The following PIK3CB variants were observed in gnomAD, a reference collection of about 807,000 sequenced individuals.
PIK3CB encodes the protein phosphatidylinositol 4,5-bisphosphate 3-kinase catalytic subunit beta isoform.
PIK3CB carries 39 observed loss-of-function variants against 136.8 expected under a neutral mutation model. The observed-to-expected ratio is 0.29, with a 90% confidence interval of 0.22 to 0.37. PIK3CB has a LOEUF of 0.37. PIK3CB is among the 10% of genes least tolerant of loss of function. The pLI, the probability that PIK3CB is intolerant of heterozygous loss-of-function variation, is 1.00. For synonymous variants in PIK3CB, 428 were observed against 436.6 expected, an observed-to-expected ratio of 0.98 and a Z score of 0.25; for missense variants, 868 against 1,275.4, an observed-to-expected ratio of 0.68 and a Z score of 4.87.
In PIK3CB at chr3:138,834,679, C is replaced by A; in HGVS notation, c.-122+16G>T. 1 of 154,842 alleles carries A rather than the reference C, an allele frequency of 6.5e-6. No individual in the cohort carries two copies. Among genetic ancestry groups the A allele is most frequent in the South Asian group, 2.0e-4 (1 of 5,056 alleles). 9.6% of individuals were successfully genotyped at this position (154,842 alleles called of 1,614,324 possible). ...CCTCAGCCGCGCCGCATCCGGGTCC[C>A]GGCCGCCGCACTCACCTGCCTGGCG... On this transcript the variant is annotated intron_variant, in intron 1 of 23. Transcript: ENST00000674063.
At chr3:138,724,090 C>T (rs2044787631) in intron 8 of PIK3CB, among the ~76,000 whole-genome samples, 1 of 152,140 alleles carries the variant, frequency 6.6e-6, no homozygotes. Flanking sequence ...AGGGCAGATG[C>T]TACCAGGTTA....
chr3:138,800,201 C>T (rs1277088460), intron 1 of PIK3CB, among the ~76,000 whole-genome samples: 1 of 152,138 alleles, frequency 6.6e-6, no homozygotes, highest in Non-Finnish European at 1.5e-5. Flanking sequence ...AAGATAGCAA[C>T]CTAGGTCATT....
chr3:138,805,997 G>T (rs2046230291), intron 1 of PIK3CB, among the ~76,000 whole-genome samples: 1 of 151,546 alleles, frequency 6.6e-6, no homozygotes, highest in African/African-American at 2.4e-5. Flanking sequence ...CAAAGTGCTG[G>T]GATTACAGGC....
chr3:138,714,934 G>GT (rs1182413655), intron 8 of PIK3CB, among the ~76,000 whole-genome samples: 3 of 152,158 alleles, frequency 2.0e-5, no homozygotes, highest in African/African-American at 7.2e-5. Context: ...TCAGTAAACC[G>GT]TAGTTAGTCT....
intron 10 of PIK3CB, among the ~76,000 whole-genome samples, chr3:138,709,775 T>A (rs1267003422): frequency 6.6e-6 from 1 of 152,122 alleles, no homozygotes; most frequent in Non-Finnish European, 1.5e-5. Context: ...GTCAAGTTGG[T>A]TGGTGATTCT....
At chr3:138,749,482 T>C (rs2045425608) in intron 4 of PIK3CB, among the ~76,000 whole-genome samples, 1 of 152,210 alleles carries the variant, frequency 6.6e-6, no homozygotes. Context: ...GTTACTCCCC[T>C]ACCTATATTT....
At chr3:138,744,392 CAAAAAAAAAAAAAAA>C (rs60503033) in intron 4 of PIK3CB, among the ~76,000 whole-genome samples, 562 of 45,116 alleles carry the variant, frequency 0.012, 50 homozygotes, top group African/African-American at 0.044. Context: ...GAGACTCCCC[CAAAAAAAAAAAAAAA>C]AAAAAAAAAA....
Position 138,654,552 on chromosome 3 carries a change from T to C in PIK3CB, c.*837A>G, listed in dbSNP as rs2043161174. ...ATTATTCTCTATGAAGTGAACTCTT[T>C]CATAGATACCATATAAAAACTGTAT... On this transcript the variant is annotated 3_prime_UTR_variant, in exon 24 of 24. Coordinates refer to ENST00000674063, the MANE Select transcript of PIK3CB (RefSeq NM_006219.3). 4.4e-6 allele frequency: 1 copy of C among 227,892 alleles called. No homozygotes were observed. The highest frequency in any genetic ancestry group is 1.8e-4 in the South Asian group (1 of 5,494). The allele number at this position is 227,892 out of a possible 1,614,324, so 14.1% of individuals were successfully genotyped here. A position where few individuals can be genotyped will look rare whatever the true frequency, so the allele number is the denominator to read the frequency against.
At chr3:138,740,135 AT>A (rs1267951433) in intron 5 of PIK3CB, among the ~76,000 whole-genome samples, 1 of 151,878 alleles carries the variant, frequency 6.6e-6, no homozygotes, top group African/African-American at 2.4e-5. Context: ...AAGCGGGTGG[AT>A]CACTTAAGCT....
chr3:138,691,222 G>T, intron 14 of PIK3CB, 79 bp from the exon 15 acceptor site: 1 of 1,328,244 alleles, frequency 7.5e-7, no homozygotes, highest in Non-Finnish European at 1.1e-6. Context: ...ACTATCAAAT[G>T]TGAACTTGTT....
chr3:138,687,370 A>G (rs2043917647), intron 16 of PIK3CB, among the ~76,000 whole-genome samples: 1 of 152,258 alleles, frequency 6.6e-6, no homozygotes, highest in Non-Finnish European at 1.5e-5. Flanking sequence ...GTTATGACTA[A>G]GTATGGCCTA....
At chr3:138,677,714 T>G (rs1032209687) in intron 19 of PIK3CB, among the ~76,000 whole-genome samples, 20 of 152,208 alleles carry the variant, frequency 1.3e-4, no homozygotes, top group African/African-American at 4.6e-4. Flanking sequence ...CTGACCAACA[T>G]GGAGAAACCC....
chr3:138,714,364 C>T (rs965422592), intron 9 of PIK3CB, 104 bp downstream of exon 9: 3 of 688,868 alleles, frequency 4.4e-6, no homozygotes, highest in Admixed American at 3.4e-5. Flanking sequence ...TTTTAAGGAT[C>T]AAAGTTACCT....
At chr3:138,751,563 C>T (rs1387444346) in intron 4 of PIK3CB, among the ~76,000 whole-genome samples, 2 of 152,088 alleles carry the variant, frequency 1.3e-5, no homozygotes, top group East Asian at 3.9e-4. Flanking sequence ...GAGAATCTAA[C>T]AGCAAAGCTT....
chr3:138,703,273 A>T (rs1351884134), intron 12 of PIK3CB, among the ~76,000 whole-genome samples: 1 of 152,220 alleles, frequency 6.6e-6, no homozygotes, highest in Non-Finnish European at 1.5e-5. Context: ...AGATTCTGAG[A>T]GCTCTAATGG....
intron 12 of PIK3CB, among the ~76,000 whole-genome samples, chr3:138,702,440 C>G (rs1057384646): frequency 6.6e-5 from 10 of 152,034 alleles, no homozygotes; most frequent in African/African-American, 2.4e-4. Context: ...TATATCAGAC[C>G]TGGGCAAGAT....
intron 1 of PIK3CB, among the ~76,000 whole-genome samples, chr3:138,817,531 A>G (rs1933389868): frequency 6.6e-6 from 1 of 152,120 alleles, no homozygotes; most frequent in South Asian, 2.1e-4. Flanking sequence ...AAAAAGTAGA[A>G]TAATTAAAAT....
intron 19 of PIK3CB, among the ~76,000 whole-genome samples, chr3:138,674,286 A>G (rs2043600352): frequency 6.6e-6 from 1 of 152,042 alleles, no homozygotes; most frequent in South Asian, 2.1e-4. Context: ...TGAAAGCAGA[A>G]AGTTAGGGCT....
Position 138,706,227 on chromosome 3 carries a change from T to C in PIK3CB, c.1530+932A>G, listed in dbSNP as rs182972585. Among the ~76,000 whole-genome samples the C allele has an allele frequency of 1.2e-4, 19 of 152,284 alleles. 1 individual carries two copies. In the South Asian group the frequency reaches 3.5e-3, roughly 28 times the overall value. ...CACTCCAGCCTGGATGACAGAGAAATACTCCATTTTTTAAAATAAAAAACA... is the reference window on the plus strand; with the variant it reads ...CACTCCAGCCTGGATGACAGAGAAACACTCCATTTTTTAAAATAAAAAACA... On this transcript the variant is annotated intron_variant, in intron 11 of 23. Coordinates refer to ENST00000674063, the MANE Select transcript of PIK3CB (RefSeq NM_006219.3).
Sources: gnomAD v4.1 joint callset for allele counts (sites outside exome capture counted in the v4.1 genomes callset) on GRCh38, gnomAD v4.1.1 for gene constraint, MANE v1.5 for transcripts, NCBI Gene and HGNC (gene_info 2026-07-23, HGNC 2026-07-21) for gene names.